CORO1C: variants seen among roughly 807,000 people sequenced by gnomAD.
CORO1C encodes the protein coronin-1C.
Under a neutral mutation model 51.2 loss-of-function variants are expected in CORO1C, and 14 were observed. The ratio of observed to expected loss-of-function variants is 0.27; its 90% CI spans 0.18 to 0.43. The LOEUF (loss-of-function observed/expected upper bound fraction) is 0.43, where lower values mean the gene tolerates loss of function less well. Ranked by LOEUF, CORO1C falls within the 20% of genes least tolerant of loss-of-function variation. The pLI is 1.00. For missense variants in CORO1C, 417 were observed against 607.8 expected (o/e 0.69, Z 3.30); for synonymous variants, 181 against 210.5 (o/e 0.86, Z 1.21).
intron 1 of CORO1C, among the ~76,000 whole-genome samples, chr12:108,717,385 T>C (rs986035034): frequency 1.3e-5 from 2 of 152,152 alleles, no homozygotes; most frequent in Admixed American, 6.5e-5. Context: ...TTGGGAGCCA[T>C]AGGAAATTTT....
intron 3 of CORO1C, among the ~76,000 whole-genome samples, chr12:108,666,416 G>A (rs1356385053): frequency 6.6e-6 from 1 of 152,194 alleles, no homozygotes; most frequent in Non-Finnish European, 1.5e-5. Context: ...ACGGTGGACT[G>A]TGGAAAGAGC....
In CORO1C at chr12:108,646,204, GA is replaced by G. The variant is rs2032353437; in HGVS notation, c.*1198del. 1 of 152,348 alleles carries G rather than the reference GA, an allele frequency of 6.6e-6. No individual in the cohort carries two copies. Among genetic ancestry groups the G allele is most frequent in the Non-Finnish European group, 1.5e-5 (1 of 68,162 alleles). The allele number at this position is 152,348 out of a possible 1,614,324, so 9.4% of individuals were successfully genotyped here. A position where few individuals can be genotyped will look rare whatever the true frequency, so the allele number is the denominator to read the frequency against. On this transcript the variant is annotated 3_prime_UTR_variant, in exon 11 of 11. Transcript: ENST00000261401. ...GTGGTTAGAGCTAAAAGGCAGGAAG[GA>G]AAGAAGGAATGGCTGGGGGAGCCCT...
chr12:108,646,019 G>A lies in CORO1C; in HGVS notation c.*1384C>T, dbSNP rs542782687. The A allele has an allele frequency of 1.4e-4, 22 of 152,352 alleles. No homozygotes were observed. Among genetic ancestry groups the A allele is most frequent in the African/African-American group, 4.1e-4 (17 of 41,564 alleles). The allele number at this position is 152,352 out of a possible 1,614,324, so 9.4% of individuals were successfully genotyped here. A position where few individuals can be genotyped will look rare whatever the true frequency, so the allele number is the denominator to read the frequency against. On this transcript the variant is annotated 3_prime_UTR_variant, in exon 11 of 11. Coordinates refer to ENST00000261401, the MANE Select transcript of CORO1C (RefSeq NM_014325.4). ...CTGTGCTTTGACGCAGCCTTGGTGA[G>A]AGATGGAGAGGCAGGGCAGGTTAGT...
intron 1 of CORO1C, among the ~76,000 whole-genome samples, chr12:108,720,710 A>G (rs2035456423): frequency 6.6e-6 from 1 of 151,798 alleles, no homozygotes; most frequent in Non-Finnish European, 1.5e-5. Context: ...TTTTTAGTAG[A>G]GATGGGGTTT....
intron 3 of CORO1C, among the ~76,000 whole-genome samples, chr12:108,673,911 T>C (rs1042318196): frequency 6.6e-6 from 1 of 151,704 alleles, no homozygotes; most frequent in African/African-American, 2.4e-5. Context: ...AAATAAATAA[T>C]TATGCTAAAT....
intron 1 of CORO1C, among the ~76,000 whole-genome samples, chr12:108,725,875 G>A (rs1253439044): frequency 2.6e-5 from 4 of 151,938 alleles, no homozygotes; most frequent in Admixed American, 2.0e-4. Flanking sequence ...CAACTCTGTC[G>A]CCCAGGCTGG....
At position 108,646,391 on chromosome 12, in the gene CORO1C, C is replaced by G. The variant is rs2032362369; in HGVS notation, c.*1012G>C. On this transcript the variant is annotated 3_prime_UTR_variant, in exon 11 of 11. Coordinates refer to ENST00000261401, the MANE Select transcript of CORO1C (RefSeq NM_014325.4). Reference sequence around the variant, plus strand: ...ACATGCCCACATTTTTAGTCCCCACCACTGTACTCAAGAGCTGGGCAAGCT... The same window carrying G: ...ACATGCCCACATTTTTAGTCCCCACGACTGTACTCAAGAGCTGGGCAAGCT... 1 of 152,332 alleles carries G rather than the reference C, an allele frequency of 6.6e-6. No individual in the cohort carries two copies. The highest frequency in any genetic ancestry group is 1.5e-5 in the Non-Finnish European group (1 of 68,210). The allele number at this position is 152,332 out of a possible 1,614,324, so 9.4% of individuals were successfully genotyped here.
At chr12:108,719,611 T>A (rs541954139) in intron 1 of CORO1C, among the ~76,000 whole-genome samples, 1 of 152,276 alleles carries the variant, frequency 6.6e-6, no homozygotes, top group South Asian at 2.1e-4. Context: ...TGCCCTATGA[T>A]TTCTCTGGTG....
At chr12:108,654,101 C>T (rs2032818075) in intron 7 of CORO1C, among the ~76,000 whole-genome samples, 1 of 152,176 alleles carries the variant, frequency 6.6e-6, no homozygotes, top group African/African-American at 2.4e-5. Context: ...TGCAACATGG[C>T]GTGTTATCAC....
chr12:108,672,276 G>C (rs868793196), intron 3 of CORO1C, among the ~76,000 whole-genome samples: 1 of 152,224 alleles, frequency 6.6e-6, no homozygotes. Flanking sequence ...CAAGGGAGGA[G>C]AGACTGCTGA....
At chr12:108,660,386 G>C (rs1181242593) in intron 4 of CORO1C, among the ~76,000 whole-genome samples, 1 of 150,940 alleles carries the variant, frequency 6.6e-6, no homozygotes, top group African/African-American at 2.4e-5. Flanking sequence ...AGGAGGCGGA[G>C]GTTGCGGTGA....
chr12:108,676,173 G>GA (rs2033902611), intron 3 of CORO1C, among the ~76,000 whole-genome samples: 2 of 152,164 alleles, frequency 1.3e-5, no homozygotes, highest in African/African-American at 4.8e-5. Context: ...CAAAAGTCAG[G>GA]AGAGTGGTTA....
intron 6 of CORO1C, among the ~76,000 whole-genome samples, chr12:108,654,635 C>T (rs1023851215): frequency 6.6e-6 from 1 of 152,004 alleles, no homozygotes; most frequent in Non-Finnish European, 1.5e-5. Context: ...CAACATAATG[C>T]GCGCATACAT....
At chr12:108,684,355 A>G (rs1299983626) in intron 2 of CORO1C, among the ~76,000 whole-genome samples, 1 of 152,190 alleles carries the variant, frequency 6.6e-6, no homozygotes, top group Non-Finnish European at 1.5e-5. Flanking sequence ...CCTTGTTACA[A>G]TTCCTTTCAA....
intron 2 of CORO1C, among the ~76,000 whole-genome samples, chr12:108,688,535 T>A (rs1432234933): frequency 6.6e-6 from 1 of 152,256 alleles, no homozygotes; most frequent in East Asian, 1.9e-4. Context: ...TTTCTTCATG[T>A]AAGAATGATT....
chr12:108,683,812 G>A (rs1225790156), intron 2 of CORO1C, among the ~76,000 whole-genome samples: 1 of 150,204 alleles, frequency 6.7e-6, no homozygotes, highest in African/African-American at 2.4e-5. Flanking sequence ...TTACAGGTGA[G>A]TGTCACCAAA....
chr12:108,655,173 G>C (rs762414197), intron 6 of CORO1C, among the ~76,000 whole-genome samples: 4 of 152,106 alleles, frequency 2.6e-5, no homozygotes, highest in Non-Finnish European at 5.9e-5. Context: ...TGTACACAGA[G>C]ATTGAGATGA....
chr12:108,669,610 A>T (rs2136822341), intron 3 of CORO1C, among the ~76,000 whole-genome samples: 1 of 129,654 alleles, frequency 7.7e-6, no homozygotes, highest in South Asian at 2.6e-4. Context: ...ACTATCTACT[A>T]TTTGTAGCTC....
intron 3 of CORO1C, among the ~76,000 whole-genome samples, chr12:108,667,738 A>G (rs2033541217): frequency 6.6e-6 from 1 of 152,182 alleles, no homozygotes; most frequent in African/African-American, 2.4e-5. Context: ...GGGCTCCTAC[A>G]TGAAAAAGTG....
Sources: allele counts gnomAD v4.1 joint callset (sites outside exome capture counted in the v4.1 genomes callset), GRCh38; gene constraint gnomAD v4.1.1; transcripts MANE v1.5; gene names NCBI Gene and HGNC (gene_info 2026-07-23, HGNC 2026-07-21).